WWOX: variants seen among roughly 807,000 people sequenced by gnomAD.
The protein encoded by WWOX is WW domain containing oxidoreductase, also known as WW domain-containing oxidoreductase.
Under a neutral mutation model 46.2 loss-of-function variants are expected in WWOX, and 69 were observed. The ratio of observed to expected loss-of-function variants is 1.49; its 90% confidence interval spans 1.23 to 1.82. The LOEUF (loss-of-function observed/expected upper bound fraction) is 1.82. Ranked by LOEUF, WWOX falls within the 40% of genes most tolerant of loss-of-function variation. The probability of loss-of-function intolerance (pLI) is 0.00; values close to 1 mark genes in which losing one functional copy is unlikely to be tolerated. For missense variants in WWOX, 919 were observed against 542.6 expected, an observed-to-expected ratio of 1.69 and a Z score of -6.89; for synonymous variants, 359 against 202.6, an observed-to-expected ratio of 1.77 and a Z score of -6.56.
intron 2 of WWOX, among the ~76,000 whole-genome samples, chr16:78,109,277 G>C (rs2032347122): frequency 6.6e-6 from 1 of 151,972 alleles, no homozygotes; most frequent in African/African-American, 2.4e-5. Context: ...ACTTGTGCCT[G>C]GGAATTCGAG....
At chr16:78,906,988 A>C (rs1267121045) in intron 8 of WWOX, among the ~76,000 whole-genome samples, 2 of 152,174 alleles carry the variant, frequency 1.3e-5, no homozygotes, top group African/African-American at 4.8e-5. Flanking sequence ...ATTCTGCCTG[A>C]TGCCCAGATA....
At chr16:78,691,240 A>C (rs891829450) in intron 8 of WWOX, 3 of 702,050 alleles carry the variant, frequency 4.3e-6, no homozygotes, top group African/African-American at 3.5e-5. Context: ...TTGTGATTCC[A>C]GGTTTCAGAC....
intron 8 of WWOX, among the ~76,000 whole-genome samples, chr16:78,567,552 CAAAAA>C (rs71272440): frequency 0.018 from 950 of 52,118 alleles, 13 homozygotes; most frequent in African/African-American, 0.066. Flanking sequence ...GACTCCGTCT[CAAAAA>C]AAAAAAAAAA....
chr16:78,678,214 A>G (rs567595271), intron 8 of WWOX, among the ~76,000 whole-genome samples: 1 of 152,236 alleles, frequency 6.6e-6, no homozygotes, highest in South Asian at 2.1e-4. Flanking sequence ...ATGCTTAATG[A>G]AAAGTGAGTG....
At chr16:78,242,948 C>T (rs992800505) in intron 5 of WWOX, among the ~76,000 whole-genome samples, 13 of 152,026 alleles carry the variant, frequency 8.6e-5, no homozygotes, top group African/African-American at 2.7e-4. Context: ...GTGGAGGTTG[C>T]AGTGAACTGA....
At chr16:78,263,855 G>A (rs747672446) in intron 5 of WWOX, among the ~76,000 whole-genome samples, 5 of 152,084 alleles carry the variant, frequency 3.3e-5, no homozygotes, top group Admixed American at 6.6e-5. Context: ...TCTGCCTTGG[G>A]ATGGATTCAC....
At chr16:78,241,645 G>T (rs2037652728) in intron 5 of WWOX, among the ~76,000 whole-genome samples, 2 of 152,124 alleles carry the variant, frequency 1.3e-5, no homozygotes, top group Admixed American at 6.5e-5. Flanking sequence ...TCAGCATGTT[G>T]TCCAGGCTGG....
chr16:78,500,692 T>C (rs1241165703), intron 8 of WWOX, among the ~76,000 whole-genome samples: 1 of 152,202 alleles, frequency 6.6e-6, no homozygotes. Flanking sequence ...CCAGCTGGAC[T>C]AGCTTTTCGG....
intron 8 of WWOX, among the ~76,000 whole-genome samples, chr16:78,494,285 G>C (rs2084856584): frequency 6.6e-6 from 1 of 152,136 alleles, no homozygotes; most frequent in African/African-American, 2.4e-5. Flanking sequence ...AGCCCCCTAT[G>C]CAGCACACAC....
At chr16:79,024,125 A>G (rs375627639) in intron 8 of WWOX, among the ~76,000 whole-genome samples, 7 of 152,204 alleles carry the variant, frequency 4.6e-5, no homozygotes, top group South Asian at 4.1e-4. Context: ...AATGACTGCT[A>G]AAGCATTCAA....
At chr16:78,796,421 C>G (rs919822551) in intron 8 of WWOX, among the ~76,000 whole-genome samples, 1 of 152,240 alleles carries the variant, frequency 6.6e-6, no homozygotes, top group Non-Finnish European at 1.5e-5. Context: ...TCACTTCCAC[C>G]TGCTTCCCAT....
At chr16:78,598,584 G>A (rs1276155036) in intron 8 of WWOX, among the ~76,000 whole-genome samples, 2 of 152,114 alleles carry the variant, frequency 1.3e-5, no homozygotes, top group Non-Finnish European at 2.9e-5. Flanking sequence ...CATCGGTGAC[G>A]CCAACACACC....
intron 8 of WWOX, among the ~76,000 whole-genome samples, chr16:78,660,028 C>G (rs1380180942): frequency 6.6e-6 from 1 of 152,130 alleles, no homozygotes; most frequent in African/African-American, 2.4e-5. Context: ...ATTATTTTAC[C>G]TCAAAGCAAA....
chr16:78,930,222 T>TCTTCCTTCCCTCCTTCCTTCCTTC (rs2045589839), intron 8 of WWOX, among the ~76,000 whole-genome samples: 1 of 104,956 alleles, frequency 9.5e-6, no homozygotes, highest in Non-Finnish European at 2.0e-5. Context: ...TCAGGACCTT[T>TCTTCCTTCCCTCCTTCCTTCCTTC]CTTCCTTCCT....
At chr16:78,483,570 C>T (rs148385971) in intron 8 of WWOX, among the ~76,000 whole-genome samples, 1 of 152,168 alleles carries the variant, frequency 6.6e-6, no homozygotes, top group African/African-American at 2.4e-5. Flanking sequence ...GTGCTGTACG[C>T]AGACTCGGAA....
At chr16:79,107,238 G>A (rs560284183) in intron 8 of WWOX, among the ~76,000 whole-genome samples, 1 of 151,678 alleles carries the variant, frequency 6.6e-6, no homozygotes, top group African/African-American at 2.4e-5. Context: ...ACCGCGCCCA[G>A]CCCAAAATGA....
In WWOX at chr16:78,396,113, A is replaced by G. The variant is rs1303039126; in HGVS notation, c.605+9165A>G. 2.0e-5 allele frequency among the ~76,000 whole-genome samples: 3 copies of G among 152,152 alleles called. No homozygotes were observed. The East Asian group carries it at 5.8e-4, about 29-fold the overall frequency. ...TTCAGCAGTCACAACAGTGCCAAGAACTTGGCTAGAGATTGGAAATAAAGC... is the reference window on the plus strand; with the variant it reads ...TTCAGCAGTCACAACAGTGCCAAGAGCTTGGCTAGAGATTGGAAATAAAGC... On this transcript the variant is annotated intron_variant, in intron 6 of 8. Coordinates refer to ENST00000566780, the MANE Select transcript of WWOX (RefSeq NM_016373.4).
intron 8 of WWOX, among the ~76,000 whole-genome samples, chr16:78,557,800 A>G (rs957528902): frequency 4.7e-5 from 7 of 149,108 alleles, no homozygotes; most frequent in South Asian, 2.1e-4. Flanking sequence ...GGTTCAAACA[A>G]TTCTCCTACG....
chr16:78,499,825 C>T (rs1226231497), intron 8 of WWOX, among the ~76,000 whole-genome samples: 1 of 152,176 alleles, frequency 6.6e-6, no homozygotes, highest in African/African-American at 2.4e-5. Context: ...CCCATTGTCT[C>T]TGGATGCTGA....
Sources: gnomAD v4.1 joint callset for allele counts (sites outside exome capture counted in the v4.1 genomes callset) on GRCh38, gnomAD v4.1.1 for gene constraint, MANE v1.5 for transcripts, NCBI Gene and HGNC (gene_info 2026-07-23, HGNC 2026-07-21) for gene names.